P3H2: variants seen among roughly 807,000 people sequenced by gnomAD.
The protein encoded by P3H2 is leprecan-like 1.
P3H2 carries 80 observed loss-of-function variants against 87.0 expected under a neutral mutation model. That is an observed-to-expected ratio of 0.92 (90% CI 0.77 to 1.11). P3H2 has a LOEUF of 1.11. P3H2 is among the 50% of genes least tolerant of loss of function. The pLI is 0.00. For synonymous variants in P3H2, 367 were observed against 359.3 expected (o/e 1.02, Z -0.24); for missense variants, 1,001 against 923.9 (o/e 1.08, Z -1.08).
intron 12 of P3H2, chr3:189,971,689 G>A: frequency 1.8e-6 from 1 of 567,122 alleles, no homozygotes; most frequent in Non-Finnish European, 3.2e-6. Context: ...GAAATGGGAT[G>A]CAAACTGTGC....
chr3:190,078,995 TC>T (rs1429772460), intron 1 of P3H2, among the ~76,000 whole-genome samples: 1 of 152,150 alleles, frequency 6.6e-6, no homozygotes, highest in African/African-American at 2.4e-5. Flanking sequence ...CAATCCTAGC[TC>T]AGTCACTTGC....
At chr3:190,116,851 C>T (rs1022832418) in intron 1 of P3H2, among the ~76,000 whole-genome samples, 6 of 152,170 alleles carry the variant, frequency 3.9e-5, no homozygotes, top group Non-Finnish European at 8.8e-5. Flanking sequence ...CTAGGAGCCA[C>T]GTGAAACTAC....
intron 1 of P3H2, among the ~76,000 whole-genome samples, chr3:190,078,759 G>C (rs531455992): frequency 6.6e-6 from 1 of 152,100 alleles, no homozygotes; most frequent in Non-Finnish European, 1.5e-5. Flanking sequence ...CTTTTTATTT[G>C]TTTTTTATTT....
chr3:190,051,764 A>AT (rs1265491567), intron 1 of P3H2, among the ~76,000 whole-genome samples: 1 of 152,234 alleles, frequency 6.6e-6, no homozygotes, highest in Non-Finnish European at 1.5e-5. Flanking sequence ...GAATTCTTGC[A>AT]GCTGGGTTAG....
chr3:189,966,083 GAAGA>G (rs200110898), intron 13 of P3H2, among the ~76,000 whole-genome samples: 1,742 of 116,656 alleles, frequency 0.015, 50 homozygotes, highest in African/African-American at 0.03. Context: ...GGAAAGAAAG[GAAGA>G]AAGAAAGAAA....
At chr3:189,964,536 T>C (rs549587099) in intron 13 of P3H2, among the ~76,000 whole-genome samples, 35 of 152,386 alleles carry the variant, frequency 2.3e-4, no homozygotes, top group African/African-American at 8.2e-4. Context: ...AAAGTTGTTA[T>C]TGATCTAGGT....
At chr3:190,068,512 T>C (rs552357830) in intron 1 of P3H2, among the ~76,000 whole-genome samples, 44 of 152,324 alleles carry the variant, frequency 2.9e-4, no homozygotes, top group African/African-American at 1.0e-3. Context: ...TTAAAACTGC[T>C]AGATTTGGTA....
At chr3:189,966,427 G>GAA (rs1164220958) in intron 13 of P3H2, among the ~76,000 whole-genome samples, 4 of 152,212 alleles carry the variant, frequency 2.6e-5, no homozygotes, top group African/African-American at 9.7e-5. Flanking sequence ...GAAAGTTTAG[G>GAA]AAAAGAAGCT....
intron 1 of P3H2, among the ~76,000 whole-genome samples, chr3:190,105,621 G>A (rs1168222975): frequency 6.6e-6 from 1 of 152,182 alleles, no homozygotes; most frequent in African/African-American, 2.4e-5. Flanking sequence ...TACACTGGAA[G>A]TAATTCCTTT....
chr3:190,068,664 G>A lies in P3H2; in HGVS notation c.480+51588C>T, dbSNP rs190122496. ...TTGCTCAGTTCATTCCTGGATGAAG[G>A]TGGACGAGTAGACAGAGCTGTTTCC... On this transcript the variant is annotated intron_variant, in intron 1 of 14. Transcript: ENST00000319332. Among the ~76,000 whole-genome samples the A allele has an allele frequency of 4.9e-3, 752 of 152,196 alleles. 6 individuals are homozygous for A. The highest frequency in any genetic ancestry group is 0.016 in the South Asian group (78 of 4,816).
At chr3:189,999,611 C>T (rs973562572) in intron 1 of P3H2, among the ~76,000 whole-genome samples, 1 of 152,168 alleles carries the variant, frequency 6.6e-6, no homozygotes, top group Admixed American at 6.5e-5. Context: ...ACCAACAGCA[C>T]ACTACAGTTA....
At chr3:189,990,887 C>T (rs942417622) in intron 3 of P3H2, among the ~76,000 whole-genome samples, 2 of 152,124 alleles carry the variant, frequency 1.3e-5, no homozygotes, top group African/African-American at 2.4e-5. Flanking sequence ...TTCCAGCTAC[C>T]GACATGCTGT....
intron 1 of P3H2, among the ~76,000 whole-genome samples, chr3:190,049,915 T>C (rs1042086458): frequency 6.6e-6 from 1 of 152,214 alleles, no homozygotes; most frequent in African/African-American, 2.4e-5. Context: ...TTAAACAGCT[T>C]TCTTTATTGT....
chr3:190,051,457 C>T (rs1448713908), intron 1 of P3H2, among the ~76,000 whole-genome samples: 3 of 152,102 alleles, frequency 2.0e-5, no homozygotes, highest in Non-Finnish European at 4.4e-5. Flanking sequence ...AGTTGAAAAG[C>T]ATATAGAGAT....
At chr3:190,048,731 CAGG>C (rs1725883258) in intron 1 of P3H2, among the ~76,000 whole-genome samples, 1 of 152,052 alleles carries the variant, frequency 6.6e-6, no homozygotes, top group African/African-American at 2.4e-5. Flanking sequence ...GGGACAGTAG[CAGG>C]AGATCAGCTA....
chr3:190,018,023 AG>A (rs1687101151), intron 1 of P3H2, among the ~76,000 whole-genome samples: 2 of 152,346 alleles, frequency 1.3e-5, no homozygotes, highest in South Asian at 4.1e-4. Flanking sequence ...AGGTGGCTGA[AG>A]TCACAGTGAC....
intron 6 of P3H2, among the ~76,000 whole-genome samples, chr3:189,986,179 A>C (rs1265415526): frequency 1.3e-5 from 2 of 152,026 alleles, no homozygotes; most frequent in Non-Finnish European, 2.9e-5. Context: ...AAAATAAAAC[A>C]CTCCCGGGGC....
chr3:189,983,443 G>C, intron 7 of P3H2: 1 of 338,736 alleles, frequency 3.0e-6, no homozygotes, highest in Non-Finnish European at 5.5e-6. Context: ...ATTATCATGA[G>C]CATCTTTATA....
At chr3:189,958,941 G>A (rs1722723542) in intron 14 of P3H2, among the ~76,000 whole-genome samples, 1 of 151,658 alleles carries the variant, frequency 6.6e-6, no homozygotes, top group Non-Finnish European at 1.5e-5. Flanking sequence ...CACCCGCCTC[G>A]CCCTCCCAAA....
Sources: allele counts gnomAD v4.1 joint callset (sites outside exome capture counted in the v4.1 genomes callset), GRCh38; gene constraint gnomAD v4.1.1; transcripts MANE v1.5; gene names NCBI Gene and HGNC (gene_info 2026-07-23, HGNC 2026-07-21).